CACNA1C: variants seen among roughly 807,000 people sequenced by gnomAD.
The protein encoded by CACNA1C is voltage-dependent L-type calcium channel subunit alpha-1C.
CACNA1C carries 30 observed loss-of-function variants against 229.0 expected under a neutral mutation model. The observed-to-expected ratio is 0.13, with a 90% CI of 0.10 to 0.18. CACNA1C has a LOEUF of 0.18. CACNA1C is among the 10% of genes least tolerant of loss of function. The pLI, the probability that CACNA1C is intolerant of heterozygous loss-of-function variation, is 1.00. For synonymous variants in CACNA1C, 1,114 were observed against 1,132.5 expected, an observed-to-expected ratio of 0.98 and a Z score of 0.33; for missense variants, 1,658 against 2,845.0, an observed-to-expected ratio of 0.58 and a Z score of 9.49.
intron 34 of CACNA1C, among the ~76,000 whole-genome samples, chr12:2,664,457 T>C (rs2095958271): frequency 6.6e-6 from 1 of 152,244 alleles, no homozygotes. Flanking sequence ...AACCTAAATG[T>C]TCCTTAACAG....
intron 3 of CACNA1C, among the ~76,000 whole-genome samples, chr12:2,296,402 C>T (rs989942703): frequency 1.3e-5 from 2 of 152,248 alleles, no homozygotes; most frequent in Admixed American, 1.3e-4. Flanking sequence ...TTTCCTGACA[C>T]TGCCATCCTC....
At chr12:2,116,300 A>C (rs1264207869) in intron 2 of CACNA1C, among the ~76,000 whole-genome samples, 1 of 151,966 alleles carries the variant, frequency 6.6e-6, no homozygotes, top group South Asian at 2.1e-4. Context: ...CTTTGAAGGG[A>C]TGGGCGCTCG....
intron 29 of CACNA1C, among the ~76,000 whole-genome samples, chr12:2,629,470 G>T (rs751554015): frequency 1.3e-5 from 2 of 152,234 alleles, no homozygotes; most frequent in African/African-American, 4.8e-5. Flanking sequence ...CATGTGCCTT[G>T]TGGATGGGAG....
rs758942814 is a variant in CACNA1C at position 2,115,215 on chromosome 12, T to C, written c.50-9T>C. On this transcript the variant is annotated splice_polypyrimidine_tract_variant and intron_variant, in intron 1 of 46. Transcript: ENST00000399655. ...AGTAACTGTTGTGTTCTTTTCTCTT[T>C]TGCCACAGGTTCCAACTATGGGAGC... The C allele has an allele frequency of 1.9e-6, 3 of 1,538,982 alleles. No individual in the cohort carries two copies. Among genetic ancestry groups the C allele is most frequent in the South Asian group, 1.3e-5 (1 of 79,214 alleles).
chr12:2,523,593 A>G (rs2099813820), intron 9 of CACNA1C, among the ~76,000 whole-genome samples: 1 of 152,192 alleles, frequency 6.6e-6, no homozygotes, highest in South Asian at 2.1e-4. Flanking sequence ...GGGGGGGATC[A>G]CTGACACGTG....
At chr12:2,583,485 G>A (rs1290022566) in intron 15 of CACNA1C, among the ~76,000 whole-genome samples, 1 of 152,220 alleles carries the variant, frequency 6.6e-6, no homozygotes, top group Non-Finnish European at 1.5e-5. Context: ...GGTTTCCAGG[G>A]CACAAGCCAC....
At chr12:2,261,642 T>C (rs951411362) in intron 3 of CACNA1C, among the ~76,000 whole-genome samples, 1 of 152,248 alleles carries the variant, frequency 6.6e-6, no homozygotes, top group Non-Finnish European at 1.5e-5. Flanking sequence ...TGGTAATCAC[T>C]GAGTAAAACA....
At chr12:2,295,032 C>CGTCTTCCAGGTCCT in intron 3 of CACNA1C, among the ~76,000 whole-genome samples, 1 of 152,330 alleles carries the variant, frequency 6.6e-6, no homozygotes, top group East Asian at 1.9e-4. Flanking sequence ...TCTTTCACCA[C>CGTCTTCCAGGTCCT]GTCTTCCGGG....
intron 26 of CACNA1C, 120 bp downstream of exon 26, chr12:2,607,250 GTCCTC>G: frequency 3.0e-6 from 3 of 998,106 alleles, no homozygotes; most frequent in Non-Finnish European, 4.4e-6. Context: ...ATTTACCTGG[GTCCTC>G]CCCAGGCAGT....
chr12:2,054,015 GC>G lies in CACNA1C; in HGVS notation c.49+407del, dbSNP rs1026665503. 1.4e-5 allele frequency among the ~76,000 whole-genome samples: 2 copies of G among 147,030 alleles called. No homozygotes were observed. The highest frequency in any genetic ancestry group is 3.0e-5 in the Non-Finnish European group (2 of 66,182). On this transcript the variant is annotated intron_variant, in intron 1 of 46. Coordinates refer to ENST00000399655, the MANE Select transcript of CACNA1C (RefSeq NM_000719.7). The surrounding 1 kb of genome is among the most constrained non-coding windows in gnomAD (Gnocchi z 5.5). ...GGAGCCCAGAGGCCCGGGGTCCCTC[GC>G]CCGGCTCGGGGCGCGGCTGGGAGCG...
chr12:1,976,220 C>T (rs16928982), intron 1 of CACNA1C, among the ~76,000 whole-genome samples: 2,466 of 152,212 alleles, frequency 0.016, 67 homozygotes, highest in African/African-American at 0.056. Flanking sequence ...TCACAGTAGA[C>T]GTATAACCCT....
At chr12:2,221,197 C>T (rs556019460) in intron 3 of CACNA1C, among the ~76,000 whole-genome samples, 2 of 152,182 alleles carry the variant, frequency 1.3e-5, no homozygotes, top group African/African-American at 4.8e-5. Context: ...CAGGCGGGTG[C>T]AGGTGAACTG....
At chr12:2,417,877 A>AG (rs1049027577) in intron 3 of CACNA1C, among the ~76,000 whole-genome samples, 2 of 152,024 alleles carry the variant, frequency 1.3e-5, no homozygotes, top group Non-Finnish European at 1.5e-5. Flanking sequence ...AGGAATGGCA[A>AG]GGGGGGCCTC....
At chr12:2,453,582 C>T (rs907003222) in intron 4 of CACNA1C, among the ~76,000 whole-genome samples, 1 of 152,140 alleles carries the variant, frequency 6.6e-6, no homozygotes, top group African/African-American at 2.4e-5. Flanking sequence ...ACGAAAAGCC[C>T]AAAATTATTG....
At chr12:2,238,345 G>A (rs1383921531) in intron 3 of CACNA1C, among the ~76,000 whole-genome samples, 1 of 152,176 alleles carries the variant, frequency 6.6e-6, no homozygotes, top group African/African-American at 2.4e-5. Context: ...ACTTAATATA[G>A]AAAGAACTGA....
At chr12:2,080,077 A>G (rs2064894645) in intron 1 of CACNA1C, among the ~76,000 whole-genome samples, 1 of 152,124 alleles carries the variant, frequency 6.6e-6, no homozygotes, top group Non-Finnish European at 1.5e-5. Flanking sequence ...CCTGGCCAAC[A>G]TGGTGAAACC....
At chr12:2,548,754 C>G (rs999630607) in intron 9 of CACNA1C, among the ~76,000 whole-genome samples, 8 of 152,254 alleles carry the variant, frequency 5.3e-5, no homozygotes, top group Non-Finnish European at 1.2e-4. Flanking sequence ...AGGAAAAATC[C>G]ACATCTATCA....
chr12:2,216,471 A>G (rs1454382637), intron 3 of CACNA1C, among the ~76,000 whole-genome samples: 1 of 152,234 alleles, frequency 6.6e-6, no homozygotes, highest in Non-Finnish European at 1.5e-5. Flanking sequence ...CAATCAGTCA[A>G]ACAACTAGGG....
intron 4 of CACNA1C, among the ~76,000 whole-genome samples, chr12:2,455,487 G>A (rs2099411999): frequency 6.6e-6 from 1 of 152,184 alleles, no homozygotes. Context: ...TAAAATCTAT[G>A]ATCACTGTTA....
Sources: allele counts gnomAD v4.1 joint callset (sites outside exome capture counted in the v4.1 genomes callset), GRCh38; gene constraint gnomAD v4.1.1; non-coding constraint Gnocchi (gnomAD v3.1); transcripts MANE v1.5; gene names NCBI Gene and HGNC (gene_info 2026-07-23, HGNC 2026-07-21).